Variants in METTL24 observed in about 807,000 individuals in gnomAD.
METTL24 encodes the protein methyltransferase like 24.
METTL24 carries 29 observed loss-of-function variants against 32.7 expected under a neutral mutation model. The observed-to-expected ratio is 0.89, with a 90% CI of 0.66 to 1.21. The LOEUF (loss-of-function observed/expected upper bound fraction) is 1.21, where lower values mean the gene tolerates loss of function less well. Among genes scored for constraint, METTL24 ranks in the 50% most tolerant of loss-of-function variants. The pLI, the probability that METTL24 is intolerant of heterozygous loss-of-function variation, is 0.00. For missense variants in METTL24, 439 were observed against 468.1 expected, an observed-to-expected ratio of 0.94 and a Z score of 0.57; for synonymous variants, 163 against 179.5, an observed-to-expected ratio of 0.91 and a Z score of 0.73.
intron 2 of METTL24, among the ~76,000 whole-genome samples, chr6:110,317,499 C>A (rs914367344): frequency 1.3e-5 from 2 of 152,100 alleles, no homozygotes; most frequent in African/African-American, 4.8e-5. Flanking sequence ...TTCCTGAGCT[C>A]CACCTCCAGT....
At chr6:110,258,596 G>A (rs1421418563) in intron 4 of METTL24, among the ~76,000 whole-genome samples, 10 of 152,038 alleles carry the variant, frequency 6.6e-5, no homozygotes, top group Non-Finnish European at 1.5e-4. Context: ...GTGGATAGGT[G>A]GATGGTTAAA....
chr6:110,304,056 TAG>T (rs1482570871), intron 3 of METTL24, among the ~76,000 whole-genome samples: 1 of 151,908 alleles, frequency 6.6e-6, no homozygotes, highest in Non-Finnish European at 1.5e-5. Context: ...CAAACTCCAG[TAG>T]ACCTGCAGAA....
At chr6:110,309,897 A>T (rs557593022) in intron 3 of METTL24, among the ~76,000 whole-genome samples, 7 of 152,156 alleles carry the variant, frequency 4.6e-5, no homozygotes, top group Non-Finnish European at 1.0e-4. Context: ...AAAACAAAAC[A>T]AAAAACCCTT....
At chr6:110,310,194 A>G (rs545046924) in intron 3 of METTL24, among the ~76,000 whole-genome samples, 62 of 152,206 alleles carry the variant, frequency 4.1e-4, no homozygotes, top group Non-Finnish European at 8.1e-4. Flanking sequence ...CTAACCATGT[A>G]TCACTTATGA....
At chr6:110,262,646 C>G (rs1175994094) in intron 4 of METTL24, among the ~76,000 whole-genome samples, 2 of 152,170 alleles carry the variant, frequency 1.3e-5, no homozygotes, top group Non-Finnish European at 2.9e-5. Flanking sequence ...GATACCAAAG[C>G]CTGGCAGAGA....
chr6:110,331,809 G>C (rs1395385172), intron 1 of METTL24, among the ~76,000 whole-genome samples: 1 of 152,162 alleles, frequency 6.6e-6, no homozygotes, highest in Non-Finnish European at 1.5e-5. Flanking sequence ...TAAGCAAAGT[G>C]CTGGATATTA....
Position 110,358,022 on chromosome 6 carries a change from G to A in METTL24, c.251C>T (p.Pro84Leu), listed in dbSNP as rs1486325181. 1.8e-6 allele frequency: 2 copies of A among 1,135,330 alleles called. No individual in the cohort carries two copies. Among genetic ancestry groups the A allele is most frequent in the South Asian group, 4.3e-5 (1 of 23,380 alleles). 70.3% of individuals were successfully genotyped at this position (1,135,330 alleles called of 1,614,324 possible). A position where few individuals can be genotyped will look rare whatever the true frequency, so the allele number is the denominator to read the frequency against. The change falls in exon 1 of 5, where the codon CCG becomes CTG. Residue 84 changes from proline (P) to leucine (L), a missense_variant. By Grantham distance (98) the Pro-to-Leu change is moderately conservative. Coordinates refer to ENST00000338882, the MANE Select transcript of METTL24 (RefSeq NM_001123364.3). ...TYVRSGRRAPPGGGGSGTPEP... is the reference protein window; with the variant it reads ...TYVRSGRRAPLGGGGSGTPEP... The stretch of plus-strand genomic sequence containing the variant: ...CGGCGTCCCGCTCCCGCCGCCCCCC[G>A]GCGGCGCCCGGCGACCGCTGCGCAC...
intron 4 of METTL24, among the ~76,000 whole-genome samples, chr6:110,270,592 A>G (rs1770938975): frequency 1.3e-5 from 2 of 152,144 alleles, no homozygotes; most frequent in Admixed American, 1.3e-4. Flanking sequence ...GTTACATAGA[A>G]TGAGAATTGT....
chr6:110,289,334 G>C (rs140829494), intron 4 of METTL24, among the ~76,000 whole-genome samples: 1 of 152,228 alleles, frequency 6.6e-6, no homozygotes, highest in East Asian at 1.9e-4. Context: ...AGTATGTTTA[G>C]GATGCTCAGC....
At chr6:110,274,989 G>A (rs1176566709) in intron 4 of METTL24, among the ~76,000 whole-genome samples, 1 of 151,150 alleles carries the variant, frequency 6.6e-6, no homozygotes, top group Non-Finnish European at 1.5e-5. Flanking sequence ...TGTAGAGACG[G>A]GGCTTTACCA....
chr6:110,339,283 T>C (rs919169954), intron 1 of METTL24, among the ~76,000 whole-genome samples: 3 of 152,236 alleles, frequency 2.0e-5, no homozygotes, highest in African/African-American at 7.2e-5. Context: ...CTAGGAGTCA[T>C]TTGGCTTGCT....
chr6:110,344,506 A>G (rs1772429400), intron 1 of METTL24, among the ~76,000 whole-genome samples: 1 of 152,224 alleles, frequency 6.6e-6, no homozygotes, highest in Non-Finnish European at 1.5e-5. Flanking sequence ...AGGTAGTTAT[A>G]TAAAAAGATA....
chr6:110,277,881 C>T lies in METTL24; in HGVS notation c.786+21041G>A, dbSNP rs113987804. 4.0e-3 allele frequency among the ~76,000 whole-genome samples: 603 copies of T among 152,132 alleles called. 6 individuals are homozygous for T. Among genetic ancestry groups the T allele is most frequent in the African/African-American group, 0.014 (582 of 41,522 alleles). ...ATGCAAAACTATTCCAGCTTACCCC[C>T]AAACATTCAAGAAAAAATATCCTTG... On this transcript the variant is annotated intron_variant, in intron 4 of 4. Transcript: ENST00000338882.
intron 2 of METTL24, among the ~76,000 whole-genome samples, chr6:110,319,875 A>G (rs1163868474): frequency 6.6e-6 from 1 of 152,126 alleles, no homozygotes; most frequent in Non-Finnish European, 1.5e-5. Context: ...TTGCTGTCTC[A>G]TGCCATGCTG....
intron 1 of METTL24, among the ~76,000 whole-genome samples, chr6:110,329,453 T>C (rs1772073903): frequency 7.8e-6 from 1 of 128,070 alleles, no homozygotes; most frequent in African/African-American, 3.0e-5. Flanking sequence ...CATCTGTTAG[T>C]GGGCAGGAAA....
At chr6:110,340,768 G>A (rs768973338) in intron 1 of METTL24, among the ~76,000 whole-genome samples, 5 of 152,118 alleles carry the variant, frequency 3.3e-5, no homozygotes, top group African/African-American at 4.8e-5. Context: ...TCCACAGTAC[G>A]GAGGAAATCT....
At chr6:110,248,300 G>T (rs550100678) in intron 4 of METTL24, among the ~76,000 whole-genome samples, 2 of 152,290 alleles carry the variant, frequency 1.3e-5, no homozygotes, top group Admixed American at 1.3e-4. Flanking sequence ...TTCCTTGGGT[G>T]ATTTCAGAGT....
intron 1 of METTL24, among the ~76,000 whole-genome samples, chr6:110,335,043 G>C (rs769691052): frequency 5.3e-5 from 8 of 152,206 alleles, no homozygotes; most frequent in Non-Finnish European, 1.0e-4. Flanking sequence ...GAACAAGGCA[G>C]GCAGAGTCGA....
intron 4 of METTL24, among the ~76,000 whole-genome samples, chr6:110,253,000 G>A (rs1358540082): frequency 6.6e-6 from 1 of 152,184 alleles, no homozygotes; most frequent in African/African-American, 2.4e-5. Flanking sequence ...ATTGTGATGA[G>A]CTGTGAATGA....
Sources: gnomAD v4.1 joint callset for allele counts (sites outside exome capture counted in the v4.1 genomes callset) on GRCh38, gnomAD v4.1.1 for gene constraint, MANE v1.5 for transcripts, NCBI Gene and HGNC (gene_info 2026-07-23, HGNC 2026-07-21) for gene names.